The following LPP variants were observed in gnomAD, a reference collection of about 807,000 sequenced individuals.
LPP encodes the protein lipoma-preferred partner.
In LPP, 38 loss-of-function variants were observed where a neutral mutation model predicts 60.4. That is an observed-to-expected ratio of 0.63 (90% CI 0.49 to 0.83). LPP has a LOEUF of 0.83. Ranked by LOEUF, LPP falls within the 40% of genes least tolerant of loss-of-function variation. LPP has a pLI of 0.00. For synonymous variants in LPP, 328 were observed against 290.8 expected, an observed-to-expected ratio of 1.13 and a Z score of -1.30; for missense variants, 902 against 783.6, an observed-to-expected ratio of 1.15 and a Z score of -1.80.
Position 188,467,821 on chromosome 3 carries a change from G to A in LPP, c.194-16771G>A, listed in dbSNP as rs9839815. Reference sequence around the variant, plus strand: ...GACAAAGAAGTGGATTCTCTGGAGAGACTCCAGAAAGGAATGCTGCCCTGC... The same window carrying A: ...GACAAAGAAGTGGATTCTCTGGAGAAACTCCAGAAAGGAATGCTGCCCTGC... On this transcript the variant is annotated intron_variant, in intron 4 of 11. Coordinates refer to ENST00000617246, the MANE Select transcript of LPP (RefSeq NM_001375462.1). Among the ~76,000 whole-genome samples the A allele has an allele frequency of 4.4e-3, 675 of 152,188 alleles. 2 individuals carry two copies. The highest frequency in any genetic ancestry group is 6.4e-3 in the Non-Finnish European group (435 of 68,004).
chr3:188,754,635 T>C (rs868290836), intron 8 of LPP, among the ~76,000 whole-genome samples: 2 of 152,112 alleles, frequency 1.3e-5, no homozygotes, highest in Non-Finnish European at 1.5e-5. Context: ...ATCAGAATCT[T>C]TGGAGTTGGG....
chr3:188,188,218 G>C (rs1727154878), intron 1 of LPP, among the ~76,000 whole-genome samples: 1 of 152,106 alleles, frequency 6.6e-6, no homozygotes. Context: ...GTTTTAGTGG[G>C]GATCACTTGG....
At chr3:188,846,909 G>A (rs548233288) in intron 9 of LPP, among the ~76,000 whole-genome samples, 7 of 152,156 alleles carry the variant, frequency 4.6e-5, no homozygotes, top group African/African-American at 1.7e-4. Flanking sequence ...CTGTGTCTTC[G>A]AAATATGCTG....
At chr3:188,417,094 G>C (rs866058423) in intron 4 of LPP, among the ~76,000 whole-genome samples, 1 of 152,012 alleles carries the variant, frequency 6.6e-6, no homozygotes, top group Non-Finnish European at 1.5e-5. Context: ...AGCACCTGGG[G>C]CAGAGGAGTA....
At chr3:188,173,094 C>T (rs918163680) in intron 1 of LPP, among the ~76,000 whole-genome samples, 2 of 152,202 alleles carry the variant, frequency 1.3e-5, no homozygotes, top group African/African-American at 4.8e-5. Context: ...GTTTCAAACC[C>T]TTGGGCTCTA....
intron 1 of LPP, among the ~76,000 whole-genome samples, chr3:188,154,555 A>C (rs1020359712): frequency 4.6e-5 from 7 of 152,204 alleles, no homozygotes; most frequent in Admixed American, 2.0e-4. Flanking sequence ...CCATCCGCTT[A>C]GAGCTTTCGC....
At chr3:188,608,327 TA>T (rs1842923526) in intron 6 of LPP, among the ~76,000 whole-genome samples, 1 of 152,252 alleles carries the variant, frequency 6.6e-6, no homozygotes, top group African/African-American at 2.4e-5. Flanking sequence ...TTCTCATCTT[TA>T]AATCATTAAC....
intron 6 of LPP, among the ~76,000 whole-genome samples, chr3:188,537,500 T>C (rs113708459): frequency 0.018 from 2,721 of 152,302 alleles, 56 homozygotes; most frequent in African/African-American, 0.05. Context: ...ATCTGGATGC[T>C]CCTTTTTATT....
intron 1 of LPP, among the ~76,000 whole-genome samples, chr3:188,197,137 A>C (rs1425097766): frequency 6.6e-6 from 1 of 152,224 alleles, no homozygotes; most frequent in African/African-American, 2.4e-5. Context: ...TTGAGATAAA[A>C]ATTCTAGCCA....
chr3:188,813,614 A>C (rs1236465849), intron 9 of LPP, among the ~76,000 whole-genome samples: 3 of 152,148 alleles, frequency 2.0e-5, no homozygotes, highest in Non-Finnish European at 4.4e-5. Context: ...TGCATTACTC[A>C]GTTATTGGCT....
At chr3:188,176,009 C>T (rs1378777460) in intron 1 of LPP, among the ~76,000 whole-genome samples, 2 of 152,008 alleles carry the variant, frequency 1.3e-5, no homozygotes, top group African/African-American at 4.8e-5. Context: ...CAAGTTCATG[C>T]CAGATCAAAA....
At chr3:188,169,025 C>A (rs1330379655) in intron 1 of LPP, among the ~76,000 whole-genome samples, 1 of 152,186 alleles carries the variant, frequency 6.6e-6, no homozygotes, top group Non-Finnish European at 1.5e-5. Flanking sequence ...TTTTTTGATT[C>A]ATCATTTTTA....
At chr3:188,159,120 A>C (rs10937342) in intron 1 of LPP, among the ~76,000 whole-genome samples, 36,638 of 152,142 alleles carry the variant, frequency 0.24, 4,549 homozygotes, top group East Asian at 0.31. Context: ...GTAGAGAGGC[A>C]GTTAGGGTCA....
At chr3:188,355,632 A>G (rs1767374393) in intron 3 of LPP, among the ~76,000 whole-genome samples, 1 of 152,174 alleles carries the variant, frequency 6.6e-6, no homozygotes, top group Non-Finnish European at 1.5e-5. Flanking sequence ...TATAGAGTGC[A>G]TATATATGTA....
chr3:188,294,012 G>A (rs1746953294), intron 2 of LPP, among the ~76,000 whole-genome samples: 1 of 130,340 alleles, frequency 7.7e-6, no homozygotes, highest in Non-Finnish European at 1.5e-5. Context: ...GTTGCAGTGA[G>A]CCGAGATCTG....
At position 188,495,083 on chromosome 3, in the gene LPP, T is replaced by TATATATATA. The variant is rs57578460; in HGVS notation, c.306+10379_306+10380insATATATATA. 2.8e-4 allele frequency among the ~76,000 whole-genome samples: 22 copies of TATATATATA among 77,772 alleles called. 2 individuals are homozygous for TATATATATA. Among genetic ancestry groups the TATATATATA allele is most frequent in the East Asian group, 2.2e-3 (4 of 1,840 alleles). 51.0% of individuals were successfully genotyped at this position (77,772 alleles called of 152,430 possible). ...AGGATTTTATATATATATATATATA[T>TATATATATA]TTTATTTATATTTTATTATATATTT... On this transcript the variant is annotated intron_variant, in intron 5 of 11. Transcript: ENST00000617246.
At chr3:188,346,065 G>A (rs1474947200) in intron 3 of LPP, among the ~76,000 whole-genome samples, 1 of 152,078 alleles carries the variant, frequency 6.6e-6, no homozygotes, top group Non-Finnish European at 1.5e-5. Context: ...CAGCGAATGT[G>A]CAGCCAAGCC....
intron 6 of LPP, among the ~76,000 whole-genome samples, chr3:188,550,072 G>C (rs1297510751): frequency 1.3e-5 from 2 of 152,096 alleles, no homozygotes; most frequent in Non-Finnish European, 2.9e-5. Flanking sequence ...TACTTCTATG[G>C]TAAGACAAAG....
intron 7 of LPP, among the ~76,000 whole-genome samples, chr3:188,670,079 A>ACAC (rs1856663511): frequency 6.6e-6 from 1 of 152,142 alleles, no homozygotes; most frequent in South Asian, 2.1e-4. Context: ...CAGGGTGAGG[A>ACAC]ACTTCACACA....
Sources: allele counts gnomAD v4.1 joint callset (sites outside exome capture counted in the v4.1 genomes callset), GRCh38; gene constraint gnomAD v4.1.1; transcripts MANE v1.5; gene names NCBI Gene and HGNC (gene_info 2026-07-23, HGNC 2026-07-21).